Variants in ITGA7 observed in about 807,000 individuals in gnomAD.
ITGA7 encodes the protein integrin alpha-7.
In ITGA7, 84 loss-of-function variants were observed where a neutral mutation model predicts 131.6. The observed-to-expected ratio is 0.64, with a 90% CI of 0.54 to 0.77. The LOEUF (loss-of-function observed/expected upper bound fraction) is 0.77. Among genes scored for constraint, ITGA7 ranks in the 30% least tolerant of loss-of-function variants. The pLI, the probability that ITGA7 is intolerant of heterozygous loss-of-function variation, is 0.00. For synonymous variants in ITGA7, 548 were observed against 600.7 expected, an observed-to-expected ratio of 0.91 and a Z score of 1.28; for missense variants, 1,399 against 1,482.9, an observed-to-expected ratio of 0.94 and a Z score of 0.93.
upstream of ITGA7, chr12:55,716,093 C>G (rs376797233): frequency 1.3e-6 from 2 of 1,589,182 alleles, no homozygotes. Context: ...GCTTCCGGAG[C>G]CGGAGGGGGC....
upstream of ITGA7, chr12:55,716,207 T>A (rs1565651706): frequency 1.2e-6 from 2 of 1,602,110 alleles, no homozygotes; most frequent in Non-Finnish European, 1.7e-6. Context: ...GTGAGCCAAA[T>A]ATCCTGTCGG....
intron 4 of ITGA7, 33 bp from the exon 5 acceptor site, chr12:55,700,022 G>A (rs757331122): frequency 3.7e-6 from 6 of 1,612,542 alleles, no homozygotes; most frequent in Non-Finnish European, 5.1e-6. Flanking sequence ...CCAGGGAGGG[G>A]ACATCCAGAG....
Position 55,697,265 on chromosome 12 carries a change from C to A in ITGA7, c.1518G>T (p.Arg506Ser), listed in dbSNP as rs1370186788. 1 of 1,596,032 alleles carries A rather than the reference C, an allele frequency of 6.3e-7. No individual in the cohort carries two copies. Among genetic ancestry groups the A allele is most frequent in the Middle Eastern group, 1.7e-4 (1 of 6,032 alleles). ...GGACTGCAATGTAGCTGAAACAGAC[C>A]CTTAGGTCCACACTGCGGGGGCAAA... ...AGGHSVCVDL[R>S]VCFSYIAVPS... Residue 506 changes from arginine to serine, a missense_variant, in exon 11 of 25, where the codon AGG becomes AGT. Transcript: ENST00000257879.
At position 55,701,165 on chromosome 12, in the gene ITGA7, A is replaced by C. The variant is rs1873928704; in HGVS notation, c.415-11T>G. On this transcript the variant is annotated splice_polypyrimidine_tract_variant and intron_variant, in intron 3 of 24. Coordinates refer to ENST00000257879, the MANE Select transcript of ITGA7 (RefSeq NM_002206.3). ...TCGGTGTGCACAGGTCTGGGGGAGG[A>C]AGGGATGGGGATCATTTCACTCTGT... The C allele has an allele frequency of 1.2e-6, 2 of 1,613,990 alleles. No homozygotes were observed. The highest frequency in any genetic ancestry group is 1.7e-6 in the Non-Finnish European group (2 of 1,180,028).
Position 55,694,071 on chromosome 12 carries a change from C to A in ITGA7, c.2485G>T (p.Ala829Ser), listed in dbSNP as rs886049665. The A allele has an allele frequency of 1.2e-6, 2 of 1,614,226 alleles. No individual in the cohort carries two copies. Among genetic ancestry groups the A allele is most frequent in the African/African-American group, 2.7e-5 (2 of 75,070 alleles). ...FFSGVVRGERAMQSERDVGSK... is the reference protein window; with the variant it reads ...FFSGVVRGERSMQSERDVGSK... Reference sequence around the variant, plus strand: ...CCCACATCCCGCTCAGACTGCATGGCTCTCTCGCCCCTCACCACACCAGAG... The same window carrying A: ...CCCACATCCCGCTCAGACTGCATGGATCTCTCGCCCCTCACCACACCAGAG... Residue 829 changes from alanine to serine, a missense_variant, in exon 19 of 25, where the codon GCC becomes TCC. Ala to Ser is a moderately conservative substitution (Grantham distance 99). Coordinates refer to ENST00000257879, the MANE Select transcript of ITGA7 (RefSeq NM_002206.3). The surrounding 1 kb of genome is among the most constrained non-coding windows in gnomAD (Gnocchi z 5.3).
Position 55,695,556 on chromosome 12 carries a change from G to A in ITGA7, c.1969C>T (p.Arg657Trp), listed in dbSNP as rs528020122. 4.6e-5 allele frequency: 74 copies of A among 1,599,668 alleles called. No homozygotes were observed. The South Asian group carries it at 6.5e-4, about 14-fold the overall frequency. The stretch of plus-strand genomic sequence containing the variant: ...GGTTGGAATTCCGTGTCGCTGACCC[G>A]GGTACAGAAGCGGGCGCGGACCAGC... ...LQLVRARFCTRVSDTEFQPLP... is the reference protein window; with the variant it reads ...LQLVRARFCTWVSDTEFQPLP... The change falls in exon 14 of 25, where the codon CGG becomes TGG. Residue 657 changes from arginine (R) to tryptophan (W), a missense_variant. By Grantham distance (101) the Arg-to-Trp change is moderately radical. Transcript: ENST00000257879.
Position 55,694,872 on chromosome 12 carries a change from G to T in ITGA7, c.2102C>A (p.Pro701His). Residue 701 changes from proline (P) to histidine (H), a missense_variant, in exon 15 of 25, where the codon CCC (proline) becomes CAC (histidine). Transcript: ENST00000257879. The surrounding 1 kb of genome is among the most constrained non-coding windows in gnomAD (Gnocchi z 5.3). ...VTNLPSDPAQ[P>H]QADGDDAHEA... ...ATGGGCATCATCCCCATCAGCCTGGGGCTGGGCTGGGTCCGATGGCAGGTT... is the reference window on the plus strand; with the variant it reads ...ATGGGCATCATCCCCATCAGCCTGGTGCTGGGCTGGGTCCGATGGCAGGTT... The T allele has an allele frequency of 6.2e-7, 1 of 1,614,126 alleles. No homozygotes were observed. Among genetic ancestry groups the T allele is most frequent in the Non-Finnish European group, 8.5e-7 (1 of 1,180,020 alleles).
chr12:55,699,345 C>T (rs988745619), intron 5 of ITGA7, among the ~76,000 whole-genome samples: 2 of 152,160 alleles, frequency 1.3e-5, no homozygotes, highest in African/African-American at 4.8e-5. Flanking sequence ...ACCCAGTGCA[C>T]CTCTTTCCCC....
intron 3 of ITGA7, 41 bp downstream of exon 3, chr12:55,702,831 A>G: frequency 6.5e-7 from 1 of 1,543,318 alleles, no homozygotes; most frequent in South Asian, 1.1e-5. Context: ...ACACACACAC[A>G]CACCCCATCC....
At chr12:55,701,502 T>C in intron 3 of ITGA7, 1 of 1,380,724 alleles carries the variant, frequency 7.2e-7, no homozygotes. Context: ...AATGCCAAGC[T>C]TGGCCCTGTC....
chr12:55,716,111 A>ACCCAGCC (rs755852989), upstream of ITGA7: 6 of 1,605,788 alleles, frequency 3.7e-6, 1 homozygote, highest in South Asian at 3.3e-5. Context: ...GGCCCGGCGT[A>ACCCAGCC]CCCAGCCCCC....
Position 55,694,616 on chromosome 12 carries a change from TG to T in ITGA7, c.2275del (p.Gln759ArgfsTer22). The T allele has an allele frequency of 6.2e-7, 1 of 1,614,058 alleles. No homozygotes were observed. Among genetic ancestry groups the T allele is most frequent in the Non-Finnish European group, 8.5e-7 (1 of 1,179,954 alleles). ...ELGNPMKRGA[Q>X]VTFYLILSTS... is the part of the protein sequence containing the mutation. ...AGGGATAAGGGCAGATGTGCCAACC[TG>T]GGCACCTCTCTTCATGGGGTTCCCC... On this transcript the variant is annotated frameshift_variant and splice_region_variant, in exon 16 of 25. Transcript: ENST00000257879. LOFTEE classifies it high-confidence loss of function. The surrounding 1 kb of genome is among the most constrained non-coding windows in gnomAD (Gnocchi z 5.3).
chr12:55,708,193 T>C (rs1414607048), upstream of ITGA7, among the ~76,000 whole-genome samples: 1 of 151,362 alleles, frequency 6.6e-6, no homozygotes, highest in Non-Finnish European at 1.5e-5. Context: ...GAAGTACAGA[T>C]AGAAAGAGAG....
rs761321514 is a variant in ITGA7 at position 55,694,738 on chromosome 12, C to A, written c.2196+40G>T. On this transcript the variant is annotated intron_variant, in intron 15 of 24. Coordinates refer to ENST00000257879, the MANE Select transcript of ITGA7 (RefSeq NM_002206.3). The surrounding 1 kb of genome is among the most constrained non-coding windows in gnomAD (Gnocchi z 5.3). ...GCAAGGTCAGTCTGGGTTACTGGAGCCCCTCAAGACCCCACCCCATCCTGC... is the reference window on the plus strand; with the variant it reads ...GCAAGGTCAGTCTGGGTTACTGGAGACCCTCAAGACCCCACCCCATCCTGC... The A allele has an allele frequency of 7.4e-6, 12 of 1,613,824 alleles. No homozygotes were observed. Among genetic ancestry groups the A allele is most frequent in the Non-Finnish European group, 9.3e-6 (11 of 1,179,762 alleles).
At chr12:55,710,185 AC>A (rs1364266483), upstream of ITGA7, among the ~76,000 whole-genome samples, 1 of 151,980 alleles carries the variant, frequency 6.6e-6, no homozygotes, top group African/African-American at 2.4e-5. Context: ...ACACGGTGAA[AC>A]CCTGTCTCTA....
chr12:55,703,409 A>G (rs1396415708), intron 1 of ITGA7, among the ~76,000 whole-genome samples: 1 of 135,360 alleles, frequency 7.4e-6, no homozygotes, highest in Non-Finnish European at 1.6e-5. Flanking sequence ...ATCAACATAC[A>G]CAGTAGATAC....
Position 55,692,930 on chromosome 12 carries a change from C to G in ITGA7, c.2758G>C (p.Glu920Gln), listed in dbSNP as rs750753866. The G allele has an allele frequency of 4.3e-6, 7 of 1,614,094 alleles. No individual in the cohort carries two copies. In the South Asian group the frequency reaches 7.7e-5, roughly 18 times the overall value. ...DRRRRELEPP[E>Q]QQEPGERQEP... ...TGCCGCTCACCAGGCTCCTGCTGCT[C>G]AGGTGGCTCCAGCTCCCGCCGCCTC... Residue 920 changes from glutamate to glutamine, a missense_variant, in exon 21 of 25, where the codon GAG (glutamate) becomes CAG (glutamine). By Grantham distance (29) the Glu-to-Gln change is conservative (BLOSUM62 2). Coordinates refer to ENST00000257879, the MANE Select transcript of ITGA7 (RefSeq NM_002206.3).
At chr12:55,692,116 T>C (rs917910413) in intron 21 of ITGA7, among the ~76,000 whole-genome samples, 1 of 152,222 alleles carries the variant, frequency 6.6e-6, no homozygotes. Flanking sequence ...TTAGAACTTT[T>C]AGAATTTAGT....
At chr12:55,697,641 G>A in intron 9 of ITGA7, 54 bp downstream of exon 9, 1 of 1,613,706 alleles carries the variant, frequency 6.2e-7, no homozygotes, top group Non-Finnish European at 8.5e-7. Context: ...CGGGGTCAGA[G>A]TCACAGGGAG....
Sources: allele counts gnomAD v4.1 joint callset (sites outside exome capture counted in the v4.1 genomes callset), GRCh38; gene constraint gnomAD v4.1.1; non-coding constraint Gnocchi (gnomAD v3.1); transcripts MANE v1.5; gene names NCBI Gene and HGNC (gene_info 2026-07-23, HGNC 2026-07-21).